TMCC1: variants seen among roughly 807,000 people sequenced by gnomAD.
TMCC1 encodes transmembrane and coiled-coil domain family 1, also known as transmembrane and coiled-coil domains protein 1.
In TMCC1, 15 loss-of-function variants were observed where a neutral mutation model predicts 52.4. The ratio of observed to expected loss-of-function variants is 0.29; its 90% CI spans 0.19 to 0.44. The LOEUF (loss-of-function observed/expected upper bound fraction) is 0.44. TMCC1 is among the 20% of genes least tolerant of loss of function. TMCC1 has a pLI of 1.00. For synonymous variants in TMCC1, 279 were observed against 301.9 expected, an observed-to-expected ratio of 0.92 and a Z score of 0.79; for missense variants, 503 against 806.0, an observed-to-expected ratio of 0.62 and a Z score of 4.55.
At chr3:129,848,106 C>T (rs945509955) in intron 2 of TMCC1, 52 of 152,168 alleles carry the variant, frequency 3.4e-4, no homozygotes, top group Admixed American at 9.8e-4. Context: ...CAGCCCAAGG[C>T]GTACTTTTTC....
chr3:129,726,423 A>G (rs1057343506), intron 4 of TMCC1, among the ~76,000 whole-genome samples: 5 of 152,172 alleles, frequency 3.3e-5, no homozygotes, highest in African/African-American at 1.2e-4. Flanking sequence ...CATCCTCTAC[A>G]ATACGGTCTC....
chr3:129,840,363 C>T (rs1344333474), intron 2 of TMCC1, among the ~76,000 whole-genome samples: 9 of 141,128 alleles, frequency 6.4e-5, no homozygotes, highest in Admixed American at 4.3e-4. Context: ...AAGCTATATT[C>T]GGTCCACAAG....
intron 4 of TMCC1, among the ~76,000 whole-genome samples, chr3:129,788,266 G>A (rs1226207900): frequency 6.6e-6 from 1 of 152,006 alleles, no homozygotes; most frequent in Non-Finnish European, 1.5e-5. Flanking sequence ...GGTCTACATG[G>A]TCAACAATTT....
At chr3:129,892,832 T>G (rs2062034878) in intron 1 of TMCC1, 1 of 152,068 alleles carries the variant, frequency 6.6e-6, no homozygotes, top group African/African-American at 2.4e-5. Context: ...TAAACGAATC[T>G]CTGGCCCTTT....
At chr3:129,776,152 C>T (rs945634080) in intron 4 of TMCC1, among the ~76,000 whole-genome samples, 1 of 152,216 alleles carries the variant, frequency 6.6e-6, no homozygotes, top group Non-Finnish European at 1.5e-5. Context: ...CAGAATCTTT[C>T]TCTAACCACT....
intron 5 of TMCC1, among the ~76,000 whole-genome samples, chr3:129,662,789 T>C (rs1394323229): frequency 6.6e-6 from 1 of 152,230 alleles, no homozygotes; most frequent in South Asian, 2.1e-4. Flanking sequence ...ACAAGTAGCA[T>C]GAGATTAATA....
chr3:129,697,501 C>T (rs1016021643), intron 4 of TMCC1, among the ~76,000 whole-genome samples: 1 of 152,164 alleles, frequency 6.6e-6, no homozygotes, highest in African/African-American at 2.4e-5. Flanking sequence ...CTGTGACATG[C>T]CCTGGAGACA....
chr3:129,882,945 T>C (rs761952296), intron 1 of TMCC1, among the ~76,000 whole-genome samples: 3 of 152,156 alleles, frequency 2.0e-5, no homozygotes, highest in Non-Finnish European at 2.9e-5. Context: ...ATAGTGATGG[T>C]TGCACAACAT....
At position 129,779,675 on chromosome 3, in the gene TMCC1, GA is replaced by G. The variant is rs1295826700; in HGVS notation, c.576+48127del. ...CCTCAAGAAAAGGAAATATTATGAAGACATATCTTTCCAAGTAAACTGCCCA... is the reference window on the plus strand; with the variant it reads ...CCTCAAGAAAAGGAAATATTATGAAGCATATCTTTCCAAGTAAACTGCCCA... On this transcript the variant is annotated intron_variant, in intron 4 of 6. Transcript: ENST00000393238. 3.9e-5 allele frequency among the ~76,000 whole-genome samples: 6 copies of G among 152,172 alleles called. No individual in the cohort carries two copies. The East Asian group carries it at 1.2e-3, about 29-fold the overall frequency.
chr3:129,774,930 A>G (rs953497351), intron 4 of TMCC1, among the ~76,000 whole-genome samples: 19 of 152,196 alleles, frequency 1.2e-4, no homozygotes, highest in African/African-American at 4.6e-4. Context: ...AAGAATTTTC[A>G]GCAGAAAAAT....
chr3:129,723,951 A>G (rs1383978800), intron 4 of TMCC1, among the ~76,000 whole-genome samples: 16 of 150,008 alleles, frequency 1.1e-4, no homozygotes, highest in African/African-American at 3.2e-4. Context: ...ATACACACAC[A>G]TATACAACAT....
At chr3:129,839,399 A>G (rs2059321853) in intron 2 of TMCC1, among the ~76,000 whole-genome samples, 1 of 152,186 alleles carries the variant, frequency 6.6e-6, no homozygotes, top group South Asian at 2.1e-4. Context: ...AAACCTTTTT[A>G]AAGAAATCTA....
chr3:129,763,227 T>TA (rs2053778532), intron 4 of TMCC1, among the ~76,000 whole-genome samples: 2 of 124,738 alleles, frequency 1.6e-5, no homozygotes, highest in Non-Finnish European at 3.4e-5. Flanking sequence ...AATAAATAAA[T>TA]AAATAAATAA....
intron 4 of TMCC1, among the ~76,000 whole-genome samples, chr3:129,723,985 C>T (rs1322722248): frequency 6.7e-6 from 1 of 149,994 alleles, no homozygotes; most frequent in East Asian, 2.0e-4. Flanking sequence ...AGAGTGAGGG[C>T]TCCATGCTTG....
At chr3:129,746,536 C>T (rs1462225568) in intron 4 of TMCC1, among the ~76,000 whole-genome samples, 1 of 152,032 alleles carries the variant, frequency 6.6e-6, no homozygotes, top group Admixed American at 6.6e-5. Flanking sequence ...AAATTTGATC[C>T]TGCAAGTAAA....
At chr3:129,818,258 A>AG (rs993033788) in intron 4 of TMCC1, among the ~76,000 whole-genome samples, 1 of 152,026 alleles carries the variant, frequency 6.6e-6, no homozygotes, top group African/African-American at 2.4e-5. Context: ...TTATTTTTTA[A>AG]GAAAAAAAAG....
intron 4 of TMCC1, among the ~76,000 whole-genome samples, chr3:129,781,948 A>G (rs2055568515): frequency 6.6e-6 from 1 of 152,142 alleles, no homozygotes; most frequent in African/African-American, 2.4e-5. Flanking sequence ...TTGCTGATAT[A>G]CTGGGAATAA....
intron 2 of TMCC1, among the ~76,000 whole-genome samples, chr3:129,838,934 T>G (rs1030741317): frequency 2.0e-5 from 3 of 152,024 alleles, no homozygotes. Context: ...GTGACAACTT[T>G]AAAGTGCTGA....
chr3:129,755,729 C>T (rs149795403), intron 4 of TMCC1, among the ~76,000 whole-genome samples: 1 of 152,286 alleles, frequency 6.6e-6, no homozygotes, highest in East Asian at 1.9e-4. Context: ...AATCCAGAAA[C>T]AGACAACAAA....
Sources: gnomAD v4.1 joint callset for allele counts (sites outside exome capture counted in the v4.1 genomes callset) on GRCh38, gnomAD v4.1.1 for gene constraint, MANE v1.5 for transcripts, NCBI Gene and HGNC (gene_info 2026-07-23, HGNC 2026-07-21) for gene names.